The following LIN52 variants were observed in gnomAD, a reference collection of about 807,000 sequenced individuals.
LIN52 encodes the protein lin-52 DREAM MuvB core complex component, also known as protein lin-52 homolog.
Under a neutral mutation model 18.5 loss-of-function variants are expected in LIN52, and 4 were observed. The observed-to-expected ratio is 0.22, with a 90% CI of 0.11 to 0.49. The LOEUF is 0.49. LIN52 is among the 20% of genes least tolerant of loss of function. The probability of loss-of-function intolerance (pLI) is 0.97; values close to 1 mark genes in which losing one functional copy is unlikely to be tolerated. For missense variants in LIN52, 102 were observed against 139.5 expected, an observed-to-expected ratio of 0.73 and a Z score of 1.35; for synonymous variants, 34 against 45.5, an observed-to-expected ratio of 0.75 and a Z score of 1.02.
Position 74,193,098 on chromosome 14 carries a change from G to A in LIN52, c.284-5824G>A, listed in dbSNP as rs373844845. Among the ~76,000 whole-genome samples the A allele has an allele frequency of 7.9e-5, 12 of 152,200 alleles. No homozygotes were observed. The East Asian group carries it at 1.2e-3, about 15-fold the overall frequency. ...TAAGATGGGGATAAATACTGATTCT[G>A]TGGCAATGCCCCCTTTCTCCATTAG... On this transcript the variant is annotated intron_variant, in intron 5 of 5. Coordinates refer to ENST00000555028, the MANE Select transcript of LIN52 (RefSeq NM_001024674.3).
chr14:74,184,622 A>G (rs1264169328), intron 5 of LIN52, among the ~76,000 whole-genome samples: 2 of 152,222 alleles, frequency 1.3e-5, no homozygotes, highest in East Asian at 3.8e-4. Context: ...TTTCAAAATA[A>G]TAACGGTAAT....
At chr14:74,178,572 G>A (rs141914895) in intron 5 of LIN52, among the ~76,000 whole-genome samples, 2,825 of 151,406 alleles carry the variant, frequency 0.019, 89 homozygotes, top group African/African-American at 0.065. Flanking sequence ...ATTCTCGTGC[G>A]TTAGCCTCCC....
intron 5 of LIN52, among the ~76,000 whole-genome samples, chr14:74,183,534 T>C (rs1003079479): frequency 3.3e-5 from 5 of 152,336 alleles, no homozygotes; most frequent in African/African-American, 9.6e-5. Flanking sequence ...GATATTATGA[T>C]ATGTAGTGAT....
At chr14:74,156,201 G>A (rs1486771209) in intron 5 of LIN52, among the ~76,000 whole-genome samples, 2 of 152,132 alleles carry the variant, frequency 1.3e-5, no homozygotes, top group Non-Finnish European at 2.9e-5. Flanking sequence ...AAAAGAATTG[G>A]CATTATTTGG....
At chr14:74,121,147 C>T (rs954255461) in intron 5 of LIN52, among the ~76,000 whole-genome samples, 7 of 152,198 alleles carry the variant, frequency 4.6e-5, no homozygotes, top group African/African-American at 1.4e-4. Flanking sequence ...CCCTTGGAGT[C>T]AAGTTGTAAA....
At chr14:74,164,280 C>CT (rs2061239220) in intron 5 of LIN52, among the ~76,000 whole-genome samples, 1 of 95,374 alleles carries the variant, frequency 1.0e-5, no homozygotes, top group Non-Finnish European at 2.3e-5. Context: ...TGCGCCCAGC[C>CT]GTTTTTGTTT....
At chr14:74,092,115 T>C (rs1045987451) in intron 2 of LIN52, among the ~76,000 whole-genome samples, 79 of 151,048 alleles carry the variant, frequency 5.2e-4, no homozygotes, top group Non-Finnish European at 9.6e-4. Context: ...GGACTACAGG[T>C]GCATGCCACC....
chr14:74,140,343 A>T (rs1390204592), intron 5 of LIN52, among the ~76,000 whole-genome samples: 1 of 152,166 alleles, frequency 6.6e-6, no homozygotes, highest in Non-Finnish European at 1.5e-5. Flanking sequence ...TCCTCGATCC[A>T]TATTAAACCT....
At chr14:74,191,419 A>T (rs746174735) in intron 5 of LIN52, among the ~76,000 whole-genome samples, 1 of 152,176 alleles carries the variant, frequency 6.6e-6, no homozygotes, top group Non-Finnish European at 1.5e-5. Context: ...CACACTGATA[A>T]CTGATCAGCA....
At chr14:74,132,926 T>C (rs909126276) in intron 5 of LIN52, among the ~76,000 whole-genome samples, 1 of 152,014 alleles carries the variant, frequency 6.6e-6, no homozygotes, top group African/African-American at 2.4e-5. Flanking sequence ...GACATTTGGG[T>C]TCTGTGAAGT....
At chr14:74,179,912 A>T (rs72627166) in intron 5 of LIN52, among the ~76,000 whole-genome samples, 3 of 152,074 alleles carry the variant, frequency 2.0e-5, no homozygotes, top group Non-Finnish European at 4.4e-5. Flanking sequence ...CTTTAGCATG[A>T]GTTAGAATCA....
At chr14:74,174,745 C>T (rs2061285123) in intron 5 of LIN52, 1 of 150,402 alleles carries the variant, frequency 6.6e-6, no homozygotes, top group East Asian at 1.9e-4. Flanking sequence ...AAAGTGAGAC[C>T]CCTTCTCTTA....
At chr14:74,179,513 G>A (rs1452898855) in intron 5 of LIN52, among the ~76,000 whole-genome samples, 1 of 151,970 alleles carries the variant, frequency 6.6e-6, no homozygotes, top group African/African-American at 2.4e-5. Flanking sequence ...TACAAAATTA[G>A]CTGTGCGTGG....
chr14:74,089,902 A>G (rs1455874660), intron 1 of LIN52, among the ~76,000 whole-genome samples: 1 of 152,166 alleles, frequency 6.6e-6, no homozygotes, highest in Non-Finnish European at 1.5e-5. Context: ...GGGAGCACGC[A>G]GATGGGCAGG....
At chr14:74,166,570 C>T (rs1200061681) in intron 5 of LIN52, among the ~76,000 whole-genome samples, 2 of 152,170 alleles carry the variant, frequency 1.3e-5, no homozygotes, top group African/African-American at 4.8e-5. Context: ...GTCATGAAAT[C>T]TGTGTGCCCA....
At chr14:74,120,273 GA>G (rs1185597785) in intron 5 of LIN52, among the ~76,000 whole-genome samples, 4 of 151,976 alleles carry the variant, frequency 2.6e-5, no homozygotes, top group African/African-American at 7.3e-5. Flanking sequence ...ATGTTTTAAT[GA>G]ACCAAAGAGT....
intron 5 of LIN52, among the ~76,000 whole-genome samples, chr14:74,162,961 T>C (rs561316977): frequency 5.6e-4 from 85 of 151,868 alleles, no homozygotes; most frequent in African/African-American, 1.9e-3. Context: ...ACTATACGAA[T>C]GCATGTTGAA....
chr14:74,141,959 T>C (rs953448559), intron 5 of LIN52, among the ~76,000 whole-genome samples: 5 of 152,224 alleles, frequency 3.3e-5, no homozygotes, highest in Non-Finnish European at 5.9e-5. Context: ...TGTAACAGCT[T>C]GGCTAACAAA....
intron 5 of LIN52, among the ~76,000 whole-genome samples, chr14:74,187,650 T>C (rs1334124641): frequency 5.3e-5 from 8 of 152,234 alleles, no homozygotes. Flanking sequence ...GCCTTCTAAG[T>C]GTCCTATTTA....
Sources: gnomAD v4.1 joint callset for allele counts (sites outside exome capture counted in the v4.1 genomes callset) on GRCh38, gnomAD v4.1.1 for gene constraint, MANE v1.5 for transcripts, NCBI Gene and HGNC (gene_info 2026-07-23, HGNC 2026-07-21) for gene names.